Variants in THEMIS observed in about 807,000 individuals in gnomAD.
THEMIS encodes protein THEMIS.
Under a neutral mutation model 52.6 loss-of-function variants are expected in THEMIS, and 37 were observed. The observed-to-expected ratio is 0.70, with a 90% CI of 0.54 to 0.93. THEMIS has a LOEUF of 0.93. THEMIS is among the 40% of genes least tolerant of loss of function. The pLI is 0.00. For missense variants in THEMIS, 808 were observed against 763.1 expected, an observed-to-expected ratio of 1.06 and a Z score of -0.69; for synonymous variants, 292 against 272.7, an observed-to-expected ratio of 1.07 and a Z score of -0.70.
chr6:127,845,657 T>C (rs1779188304), intron 2 of THEMIS, among the ~76,000 whole-genome samples: 1 of 151,906 alleles, frequency 6.6e-6, no homozygotes, highest in African/African-American at 2.4e-5. Flanking sequence ...CATGGTTGTC[T>C]CTTTGATCTC....
intron 4 of THEMIS, among the ~76,000 whole-genome samples, chr6:127,807,722 A>G (rs1266100724): frequency 1.3e-5 from 2 of 152,226 alleles, no homozygotes; most frequent in Non-Finnish European, 2.9e-5. Context: ...TTTATACTAC[A>G]TCAGGTTAAC....
rs750795817 is a variant in THEMIS at position 127,812,982 on chromosome 6, G to A, written c.1659C>T (p.Pro553=). 2 of 1,614,014 alleles carry A rather than the reference G, an allele frequency of 1.2e-6. No individual in the cohort carries two copies. Among genetic ancestry groups the A allele is most frequent in the South Asian group, 2.2e-5 (2 of 91,074 alleles). The change falls in exon 4 of 6, where the codon CCC becomes CCT. Residue 553 remains proline, a synonymous_variant. Transcript: ENST00000368248. ...MRRYESSASH[P]PPRPPKHPSV... is the part of the protein sequence containing the mutation. ...AGGGGTGTTTCGGAGGGCGAGGTGGGGGATGTGAGGCTGAGCTTTCATATC... is the reference window on the plus strand; with the variant it reads ...AGGGGTGTTTCGGAGGGCGAGGTGGAGGATGTGAGGCTGAGCTTTCATATC...
At chr6:127,874,504 T>A (rs1052078061) in intron 1 of THEMIS, among the ~76,000 whole-genome samples, 7 of 152,222 alleles carry the variant, frequency 4.6e-5, no homozygotes, top group African/African-American at 1.7e-4. Context: ...CTAATTTTCT[T>A]AGTTTTTATC....
intron 4 of THEMIS, among the ~76,000 whole-genome samples, chr6:127,796,852 T>C (rs1247896679): frequency 7.9e-5 from 12 of 152,214 alleles, no homozygotes; most frequent in Non-Finnish European, 1.5e-5. Flanking sequence ...AGAGCCACCT[T>C]GATTCTCACT....
At position 127,837,586 on chromosome 6, in the gene THEMIS, T is replaced by C. The variant is rs545769285; in HGVS notation, c.251-7652A>G. Among the ~76,000 whole-genome samples the C allele has an allele frequency of 2.6e-5, 4 of 152,152 alleles. No homozygotes were observed. In the South Asian group the frequency reaches 8.3e-4, roughly 32 times the overall value. ...ATTTCTATTTGTGTGTTTGTGTTTC[T>C]GTGTGCATGTGTGTGTAGTATGTGT... is the stretch of plus-strand genomic sequence containing the variant. On this transcript the variant is annotated intron_variant, in intron 2 of 5. Coordinates refer to ENST00000368248, the MANE Select transcript of THEMIS (RefSeq NM_001010923.3).
At chr6:127,758,099 T>C (rs1442151842) in intron 4 of THEMIS, among the ~76,000 whole-genome samples, 1 of 151,154 alleles carries the variant, frequency 6.6e-6, no homozygotes, top group Non-Finnish European at 1.5e-5. Flanking sequence ...CAAAAGAGAT[T>C]TGAACTGGTT....
At chr6:127,713,935 A>G (rs1048935333) in intron 5 of THEMIS, among the ~76,000 whole-genome samples, 1 of 151,838 alleles carries the variant, frequency 6.6e-6, no homozygotes, top group African/African-American at 2.4e-5. Flanking sequence ...GAGCAAATAG[A>G]CTAGTTAGAA....
intron 4 of THEMIS, among the ~76,000 whole-genome samples, chr6:127,770,483 C>T (rs1159703539): frequency 2.0e-5 from 3 of 151,852 alleles, no homozygotes; most frequent in Non-Finnish European, 4.4e-5. Flanking sequence ...TGATTTTTTT[C>T]CTGTAAATTT....
At chr6:127,910,272 A>T (rs1268624051) in intron 1 of THEMIS, among the ~76,000 whole-genome samples, 1 of 152,060 alleles carries the variant, frequency 6.6e-6, no homozygotes, top group East Asian at 1.9e-4. Context: ...TTTCCAATTA[A>T]ACTCTGAGAG....
At chr6:127,862,236 C>T (rs1185472782) in intron 1 of THEMIS, among the ~76,000 whole-genome samples, 1 of 151,972 alleles carries the variant, frequency 6.6e-6, no homozygotes, top group African/African-American at 2.4e-5. Flanking sequence ...CTAAAAGACA[C>T]AGGAATTTTA....
At chr6:127,883,865 T>G (rs889122901) in intron 1 of THEMIS, among the ~76,000 whole-genome samples, 1 of 152,102 alleles carries the variant, frequency 6.6e-6, no homozygotes, top group Non-Finnish European at 1.5e-5. Context: ...ATTTATGATA[T>G]TTTCAGTTTA....
chr6:127,857,978 T>C (rs894766828), intron 1 of THEMIS, among the ~76,000 whole-genome samples: 1 of 152,066 alleles, frequency 6.6e-6, no homozygotes, highest in Non-Finnish European at 1.5e-5. Context: ...TCATATTAAA[T>C]GGAACATAAT....
At chr6:127,899,946 T>G (rs1422801962) in intron 1 of THEMIS, among the ~76,000 whole-genome samples, 1 of 148,680 alleles carries the variant, frequency 6.7e-6, no homozygotes, top group Non-Finnish European at 1.5e-5. Flanking sequence ...AAACTGGAGC[T>G]GACGTGTTAA....
At chr6:127,910,214 T>A (rs1004018207) in intron 1 of THEMIS, among the ~76,000 whole-genome samples, 24 of 152,286 alleles carry the variant, frequency 1.6e-4, no homozygotes, top group African/African-American at 4.6e-4. Context: ...GATGTTTTTT[T>A]ATAAAGAATT....
intron 1 of THEMIS, 68 bp downstream of exon 1, chr6:127,900,774 C>T: frequency 7.3e-7 from 1 of 1,377,614 alleles, no homozygotes. Context: ...AATTCCCCCC[C>T]TCCAATTTTC....
chr6:127,699,956 C>G, the THEMIS span, among the ~76,000 whole-genome samples: 1 of 151,692 alleles, frequency 6.6e-6, no homozygotes, highest in African/African-American at 2.4e-5. Context: ...AATTATAAAT[C>G]AAACTCCATT....
intron 4 of THEMIS, among the ~76,000 whole-genome samples, chr6:127,761,960 C>T (rs182415799): frequency 1.3e-5 from 2 of 152,160 alleles, no homozygotes; most frequent in East Asian, 1.9e-4. Flanking sequence ...CTTCTATGTT[C>T]GTTGCAGTTG....
At position 127,774,018 on chromosome 6, in the gene THEMIS, G is replaced by A. The variant is rs113668702; in HGVS notation, c.1758+38865C>T. On this transcript the variant is annotated intron_variant, in intron 4 of 5. Transcript: ENST00000368248. The stretch of plus-strand genomic sequence containing the variant: ...TGCCAACTGGGTCTGCTATATCCAA[G>A]ATGGCTCACTACACGCCTGGCACTT... Among the ~76,000 whole-genome samples the A allele has an allele frequency of 1.8e-3, 272 of 152,284 alleles. 1 individual carries two copies. The highest frequency in any genetic ancestry group is 6.1e-3 in the African/African-American group (255 of 41,548).
At chr6:127,707,986 T>C (rs1005198368), downstream of THEMIS, 1 of 152,072 alleles carries the variant, frequency 6.6e-6, no homozygotes, top group South Asian at 2.1e-4. Flanking sequence ...GGCCATGCTG[T>C]GAAATTTGGT....
Sources: allele counts gnomAD v4.1 joint callset (sites outside exome capture counted in the v4.1 genomes callset), GRCh38; gene constraint gnomAD v4.1.1; transcripts MANE v1.5; gene names NCBI Gene and HGNC (gene_info 2026-07-23, HGNC 2026-07-21).